Variants in GAB4 observed in about 807,000 individuals in gnomAD.
GAB4 encodes the protein GRB2 associated binding protein family member 4.
In GAB4, 26 loss-of-function variants were observed where a neutral mutation model predicts 51.3. That is an observed-to-expected ratio of 0.51 (90% confidence interval 0.37 to 0.70). GAB4 has a LOEUF of 0.70. GAB4 is among the 30% of genes least tolerant of loss of function. The pLI is 0.00. For synonymous variants in GAB4, 329 were observed against 291.2 expected (o/e 1.13, Z -1.32); for missense variants, 759 against 734.6 (o/e 1.03, Z -0.38).
At chr22:17,004,575 C>A (rs1364563986) in intron 1 of GAB4, among the ~76,000 whole-genome samples, 1 of 152,182 alleles carries the variant, frequency 6.6e-6, no homozygotes, top group South Asian at 2.1e-4. Context: ...ATGACAAAAA[C>A]CACATGATTA....
intron 1 of GAB4, among the ~76,000 whole-genome samples, chr22:17,001,171 T>C (rs1435354444): frequency 6.6e-6 from 1 of 152,250 alleles, no homozygotes; most frequent in Non-Finnish European, 1.5e-5. Flanking sequence ...ATTTCCTGAA[T>C]TTGAATTTTG....
chr22:16,966,377 C>A lies in GAB4; in HGVS notation c.1024-13G>T, dbSNP rs1195348191. On this transcript the variant is annotated splice_polypyrimidine_tract_variant and intron_variant, in intron 5 of 9. Coordinates refer to ENST00000400588, the MANE Select transcript of GAB4 (RefSeq NM_001037814.1). Reference sequence around the variant, plus strand: ...GCGTTCTTCCTGGCTAGGAAGAGGACAGTGAAAGAAACACAGCTATCACCA... The same window carrying A: ...GCGTTCTTCCTGGCTAGGAAGAGGAAAGTGAAAGAAACACAGCTATCACCA... 5.6e-6 allele frequency: 9 copies of A among 1,604,234 alleles called. No individual in the cohort carries two copies. Among genetic ancestry groups the A allele is most frequent in the Non-Finnish European group, 7.7e-6 (9 of 1,173,574 alleles).
rs777226324 is a variant in GAB4 at position 16,966,210 on chromosome 22, A to C, written c.1178T>G (p.Phe393Cys). The C allele has an allele frequency of 6.2e-7, 1 of 1,614,094 alleles. No homozygotes were observed. Among genetic ancestry groups the C allele is most frequent in the Non-Finnish European group, 8.5e-7 (1 of 1,180,008 alleles). Residue 393 changes from phenylalanine (F) to cysteine (C), a missense_variant, in exon 6 of 10, where the codon TTT (phenylalanine) becomes TGT (cysteine). By Grantham distance (205) the Phe-to-Cys change is radical. This residue lies in a region of GAB4 where 588 missense variants were observed against 510.2 expected (regional missense o/e 1.15). Transcript: ENST00000400588. The stretch of plus-strand genomic sequence containing the variant: ...TGTGAGTGGGGAGCCAAGCAGGTCA[A>C]AGCGAACAAGACATGAGCCCACAGG... ...CIPVGSCLVR[F>C]DLLGSPLTEL...
chr22:16,994,569 T>C (rs2060936824), intron 1 of GAB4, among the ~76,000 whole-genome samples: 1 of 152,236 alleles, frequency 6.6e-6, no homozygotes, highest in African/African-American at 2.4e-5. Flanking sequence ...TGCTACTGCA[T>C]TATTTCAATT....
intron 6 of GAB4, among the ~76,000 whole-genome samples, chr22:16,965,495 T>C (rs551383083): frequency 2.6e-5 from 4 of 152,350 alleles, no homozygotes; most frequent in African/African-American, 9.6e-5. Context: ...ACTGTATCTA[T>C]AGCCACTGTA....
intron 3 of GAB4, among the ~76,000 whole-genome samples, chr22:16,983,621 G>A (rs577248253): frequency 1.3e-5 from 2 of 152,250 alleles, no homozygotes; most frequent in South Asian, 4.1e-4. Flanking sequence ...CAATGGAACA[G>A]AATACAGATC....
chr22:16,976,266 C>T (rs1249508800), intron 3 of GAB4, among the ~76,000 whole-genome samples: 2 of 152,104 alleles, frequency 1.3e-5, no homozygotes, highest in Non-Finnish European at 2.9e-5. Flanking sequence ...AAGCTAAAGA[C>T]CTTGATAAAA....
At chr22:16,978,274 T>C (rs1048306269) in intron 3 of GAB4, among the ~76,000 whole-genome samples, 6 of 152,044 alleles carry the variant, frequency 3.9e-5, no homozygotes, top group African/African-American at 7.2e-5. Context: ...ACAAATTAGA[T>C]AGACCACTAG....
In GAB4 at chr22:16,965,226, T is replaced by A; in HGVS notation, c.1331A>T (p.Asn444Ile). The change falls in exon 7 of 10, where the codon AAT (asparagine) becomes ATT (isoleucine). Residue 444 changes from asparagine to isoleucine, a missense_variant. This residue lies in a region of GAB4 where 588 missense variants were observed against 510.2 expected (regional missense o/e 1.15). Coordinates refer to ENST00000400588, the MANE Select transcript of GAB4 (RefSeq NM_001037814.1). ...GACAGGTGGCTTGAAGGAGAGCTCA[T>A]TGATGACCCTGTTGTTTCTCAGGTT... Reference protein sequence around the residue: ...PPNLRNNRVINELSFKPPVTE... With the variant: ...PPNLRNNRVIIELSFKPPVTE... 1 of 1,614,070 alleles carries A rather than the reference T, an allele frequency of 6.2e-7. No individual in the cohort carries two copies. Among genetic ancestry groups the A allele is most frequent in the South Asian group, 1.1e-5 (1 of 91,064 alleles).
chr22:17,002,827 T>TA (rs778856719), intron 1 of GAB4, among the ~76,000 whole-genome samples: 1 of 151,872 alleles, frequency 6.6e-6, no homozygotes, highest in Non-Finnish European at 1.5e-5. Flanking sequence ...AAAGTATAAT[T>TA]TAAAAAAATT....
At chr22:17,003,305 G>A (rs941939077) in intron 1 of GAB4, among the ~76,000 whole-genome samples, 1 of 152,156 alleles carries the variant, frequency 6.6e-6, no homozygotes, top group African/African-American at 2.4e-5. Flanking sequence ...TTCAGAACCT[G>A]AACTCAGCTC....
chr22:16,991,276 TC>T (rs1218975424), intron 2 of GAB4, among the ~76,000 whole-genome samples: 6 of 149,478 alleles, frequency 4.0e-5, no homozygotes, highest in Non-Finnish European at 7.4e-5. Flanking sequence ...GCAACCAGGT[TC>T]AAGAATGGCC....
At chr22:16,988,784 T>C (rs1167968514) in intron 2 of GAB4, among the ~76,000 whole-genome samples, 2 of 152,190 alleles carry the variant, frequency 1.3e-5, no homozygotes, top group Admixed American at 6.5e-5. Flanking sequence ...GTCTGACCTG[T>C]TTCCTGCTTT....
intron 6 of GAB4, among the ~76,000 whole-genome samples, chr22:16,965,511 A>G (rs1343596985): frequency 6.6e-6 from 1 of 152,214 alleles, no homozygotes; most frequent in East Asian, 1.9e-4. Flanking sequence ...CTGTATTTTC[A>G]GAATCCAAAA....
At chr22:16,992,281 G>A (rs2060920523) in intron 1 of GAB4, 105 bp from the exon 2 acceptor site, 2 of 979,634 alleles carry the variant, frequency 2.0e-6, no homozygotes, top group Admixed American at 2.4e-5. Context: ...CCTGCACTCA[G>A]CCTATGTCTC....
intron 1 of GAB4, among the ~76,000 whole-genome samples, chr22:17,002,854 G>T (rs2061008997): frequency 6.6e-6 from 1 of 152,208 alleles, no homozygotes; most frequent in South Asian, 2.1e-4. Context: ...AAATGTAAAT[G>T]GGCTAAATGC....
intron 1 of GAB4, among the ~76,000 whole-genome samples, chr22:17,007,514 G>A (rs749198502): frequency 4.6e-5 from 7 of 151,580 alleles, no homozygotes; most frequent in Non-Finnish European, 8.8e-5. Flanking sequence ...GGGCTTGGGA[G>A]GGAAGGTGAG....
intron 1 of GAB4, among the ~76,000 whole-genome samples, 162 bp downstream of exon 1, chr22:17,007,779 C>T (rs5748799): frequency 0.8 from 121,392 of 152,038 alleles, 48,934 homozygotes; most frequent in African/African-American, 0.91. Context: ...CAAACCTGGA[C>T]CCTGTCTCTC....
In GAB4 at chr22:16,970,202, G is replaced by A; in HGVS notation, c.687-9C>T. ...GGGAGAAGCTGGCACTCCTAAGAGA[G>A]AGAAAGAAGGGAAGGGGCAGGGGTG... is the stretch of plus-strand genomic sequence containing the variant. On this transcript the variant is annotated splice_polypyrimidine_tract_variant and intron_variant, in intron 3 of 9. Transcript: ENST00000400588. 6.2e-7 allele frequency: 1 copy of A among 1,613,680 alleles called. No homozygotes were observed. Among genetic ancestry groups the A allele is most frequent in the South Asian group, 1.1e-5 (1 of 91,066 alleles).
Sources: allele counts gnomAD v4.1 joint callset (sites outside exome capture counted in the v4.1 genomes callset), GRCh38; gene constraint gnomAD v4.1.1; regional missense constraint gnomAD v4.1.1; transcripts MANE v1.5; gene names NCBI Gene and HGNC (gene_info 2026-07-23, HGNC 2026-07-21).